Variants in KCNN2 observed in about 807,000 individuals in gnomAD.
KCNN2 encodes small conductance calcium-activated potassium channel protein 2.
In KCNN2, 24 loss-of-function variants were observed where a neutral mutation model predicts 55.5. The observed-to-expected ratio is 0.43, with a 90% CI of 0.31 to 0.61. The LOEUF is 0.61. Ranked by LOEUF, KCNN2 falls within the 20% of genes least tolerant of loss-of-function variation. KCNN2 has a pLI of 0.08. For synonymous variants in KCNN2, 431 were observed against 336.1 expected (o/e 1.28, Z -3.09); for missense variants, 754 against 853.6 (o/e 0.88, Z 1.45).
chr5:114,438,691 C>T (rs184410839), intron 3 of KCNN2, among the ~76,000 whole-genome samples: 37 of 152,230 alleles, frequency 2.4e-4, no homozygotes, highest in African/African-American at 8.2e-4. Context: ...AGACATTCCC[C>T]GAGCATGTTG....
rs566376336 is a variant in KCNN2, at chr5:114,496,425, T to C, written c.*243T>C. 12 of 424,582 alleles carry C rather than the reference T, an allele frequency of 2.8e-5. No individual in the cohort carries two copies. In the East Asian group the frequency reaches 4.5e-4, roughly 16 times the overall value. The allele number at this position is 424,582 out of a possible 1,614,324, so 26.3% of individuals were successfully genotyped here. On this transcript the variant is annotated 3_prime_UTR_variant, in exon 8 of 8. Transcript: ENST00000673685. The stretch of plus-strand genomic sequence containing the variant: ...GTTCCTCCTGTAATTTCACTAACTT[T>C]TTATTCATGCACTTCAAACAAACTT...
At chr5:114,493,536 AATC>A in intron 7 of KCNN2, 64 bp downstream of exon 7, 1 of 1,100,170 alleles carries the variant, frequency 9.1e-7, no homozygotes, top group Non-Finnish European at 1.4e-6. Context: ...CACAGTCACT[AATC>A]ATGAATGTTT....
At chr5:114,437,997 T>G (rs1760067377) in intron 3 of KCNN2, among the ~76,000 whole-genome samples, 1 of 151,208 alleles carries the variant, frequency 6.6e-6, no homozygotes, top group South Asian at 2.1e-4. Flanking sequence ...TGTGACCAGT[T>G]AAAACACAAA....
At chr5:114,355,562 TTC>T (rs1757280616) in intron 2 of KCNN2, among the ~76,000 whole-genome samples, 1 of 152,200 alleles carries the variant, frequency 6.6e-6, no homozygotes, top group Non-Finnish European at 1.5e-5. Flanking sequence ...ACACTGGTTT[TTC>T]TCTCCTTGTG....
intron 2 of KCNN2, among the ~76,000 whole-genome samples, chr5:114,227,082 C>T (rs989506776): frequency 6.6e-6 from 1 of 151,988 alleles, no homozygotes; most frequent in South Asian, 2.1e-4. Flanking sequence ...TTAATTCACT[C>T]GTAATTCTTA....
upstream of KCNN2, among the ~76,000 whole-genome samples, chr5:114,359,905 CGCA>C (rs1757371167): frequency 6.6e-6 from 1 of 152,134 alleles, no homozygotes; most frequent in Non-Finnish European, 1.5e-5. Flanking sequence ...CAAATTACTT[CGCA>C]GGATTGTTTT....
At position 114,496,187 on chromosome 5, in the gene KCNN2, G is replaced by T. The variant is rs372349593; in HGVS notation, c.*5G>T. 1.9e-6 allele frequency: 3 copies of T among 1,611,996 alleles called. No homozygotes were observed. The highest frequency in any genetic ancestry group is 2.5e-6 in the Non-Finnish European group (3 of 1,178,752). On this transcript the variant is annotated 3_prime_UTR_variant, in exon 8 of 8. Transcript: ENST00000673685. Reference sequence around the variant, plus strand: ...ACTTCATCAGAGAGTAGCTAGAAGAGAATAAGTTAACCACAAAATAAGACT... The same window carrying T: ...ACTTCATCAGAGAGTAGCTAGAAGATAATAAGTTAACCACAAAATAAGACT...
intron 1 of KCNN2, among the ~76,000 whole-genome samples, chr5:114,217,824 C>T (rs567542601): frequency 1.7e-3 from 259 of 152,046 alleles, no homozygotes; most frequent in Non-Finnish European, 2.9e-3. Context: ...GAAGCCCAGA[C>T]TGGAAAAAAC....
At chr5:114,130,195 T>A (rs975398377) in intron 1 of KCNN2, among the ~76,000 whole-genome samples, 15 of 152,240 alleles carry the variant, frequency 9.9e-5, no homozygotes, top group Non-Finnish European at 1.8e-4. Flanking sequence ...ACAAGCTATT[T>A]ATTTTTTTCT....
intron 2 of KCNN2, among the ~76,000 whole-genome samples, chr5:114,278,614 T>G (rs1755543643): frequency 6.6e-6 from 1 of 152,202 alleles, no homozygotes; most frequent in Non-Finnish European, 1.5e-5. Flanking sequence ...GCATCCCAGG[T>G]CCATCTCAGA....
intron 1 of KCNN2, among the ~76,000 whole-genome samples, chr5:114,065,596 T>C (rs2112516957): frequency 6.6e-6 from 1 of 152,332 alleles, no homozygotes; most frequent in Admixed American, 6.5e-5. Flanking sequence ...AATATTAGTC[T>C]TGACTGGTCT....
chr5:114,474,240 A>G (rs529654510), intron 5 of KCNN2, among the ~76,000 whole-genome samples: 1 of 152,302 alleles, frequency 6.6e-6, no homozygotes, highest in Admixed American at 6.5e-5. Flanking sequence ...TAATGCAAAT[A>G]TATATTTATA....
intron 6 of KCNN2, among the ~76,000 whole-genome samples, chr5:114,488,832 A>G (rs1054979056): frequency 5.9e-5 from 9 of 152,114 alleles, no homozygotes; most frequent in Middle Eastern, 3.2e-3. Flanking sequence ...CATTTTTTCT[A>G]CCTTTAATAT....
In KCNN2 at chr5:114,078,264, A is replaced by G. The variant is rs367998335; in HGVS notation, c.-271+21764A>G. 2.6e-5 allele frequency among the ~76,000 whole-genome samples: 4 copies of G among 152,340 alleles called. No individual in the cohort carries two copies. The East Asian group carries it at 7.7e-4, about 29-fold the overall frequency. ...CATCAGTGATTTAAGGCAAATTAGAATACAGAACACATATGACCAACAAAG... is the reference window on the plus strand; with the variant it reads ...CATCAGTGATTTAAGGCAAATTAGAGTACAGAACACATATGACCAACAAAG... On this transcript the variant is annotated intron_variant, in intron 1 of 10. Coordinates refer to the KCNN2 transcript ENST00000512097.
chr5:114,468,518 G>A (rs1580883985), intron 4 of KCNN2, among the ~76,000 whole-genome samples: 1 of 151,954 alleles, frequency 6.6e-6, no homozygotes, highest in East Asian at 1.9e-4. Context: ...TAACTATTTT[G>A]GATAAATTTT....
At chr5:114,413,463 T>G (rs1319572087) in intron 3 of KCNN2, among the ~76,000 whole-genome samples, 2 of 152,114 alleles carry the variant, frequency 1.3e-5, no homozygotes, top group African/African-American at 4.8e-5. Context: ...TTTTTATGTA[T>G]TTTTAGTAGA....
chr5:114,381,358 G>A (rs745926219), intron 2 of KCNN2, among the ~76,000 whole-genome samples: 18 of 152,140 alleles, frequency 1.2e-4, no homozygotes, highest in Non-Finnish European at 1.0e-4. Context: ...TAGCTGTATT[G>A]AAAGAGACAG....
intron 1 of KCNN2, among the ~76,000 whole-genome samples, chr5:114,187,042 T>A (rs1753347850): frequency 6.6e-6 from 1 of 152,202 alleles, no homozygotes. Flanking sequence ...ATATTATCAT[T>A]AATTAAGGTT....
intron 1 of KCNN2, among the ~76,000 whole-genome samples, chr5:114,075,794 G>GT (rs1750674665): frequency 2.0e-5 from 3 of 152,154 alleles, no homozygotes; most frequent in Admixed American, 2.0e-4. Context: ...CTTGTCTTTT[G>GT]CTATGCTGCA....
Sources: allele counts gnomAD v4.1 joint callset (sites outside exome capture counted in the v4.1 genomes callset), GRCh38; gene constraint gnomAD v4.1.1; transcripts MANE v1.5; gene names NCBI Gene and HGNC (gene_info 2026-07-23, HGNC 2026-07-21).